Variants in C18orf63 observed in about 807,000 individuals in gnomAD.
The protein encoded by C18orf63 is uncharacterized protein C18orf63.
A neutral mutation model predicts 75.3 loss-of-function variants in C18orf63; 50 were observed. The ratio of observed to expected loss-of-function variants is 0.66; its 90% CI spans 0.53 to 0.84. C18orf63 has a LOEUF of 0.84. C18orf63 is among the 40% of genes least tolerant of loss of function. C18orf63 has a pLI of 0.00. For missense variants in C18orf63, 732 were observed against 800.2 expected, an observed-to-expected ratio of 0.91 and a Z score of 1.03; for synonymous variants, 232 against 267.6, an observed-to-expected ratio of 0.87 and a Z score of 1.30.
intron 1 of C18orf63, among the ~76,000 whole-genome samples, chr18:74,316,959 A>AT (rs1984037314): frequency 6.6e-6 from 1 of 152,202 alleles, no homozygotes; most frequent in African/African-American, 2.4e-5. Flanking sequence ...GCACCCAGGA[A>AT]TTTTTTGGTG....
At chr18:74,340,900 A>G (rs1984469797) in intron 8 of C18orf63, among the ~76,000 whole-genome samples, 1 of 152,070 alleles carries the variant, frequency 6.6e-6, no homozygotes, top group African/African-American at 2.4e-5. Flanking sequence ...AGGATACAAA[A>G]TTTCAGTTAT....
chr18:74,316,506 A>G (rs1380911353), intron 1 of C18orf63, among the ~76,000 whole-genome samples: 1 of 152,144 alleles, frequency 6.6e-6, no homozygotes, highest in East Asian at 1.9e-4. Context: ...CCCGAGGCTT[A>G]GCGCACAGCA....
intron 13 of C18orf63, among the ~76,000 whole-genome samples, chr18:74,355,823 G>A (rs996217740): frequency 3.3e-5 from 5 of 152,148 alleles, no homozygotes; most frequent in East Asian, 1.9e-4. Flanking sequence ...ACTTGAACCC[G>A]AGAAGTGGAG....
chr18:74,343,544 C>T lies in C18orf63; in HGVS notation c.820C>T (p.Gln274Ter). Residue 274 changes from glutamine (Q) to a stop codon, truncating the protein, a stop_gained, in exon 11 of 14, where the codon CAG (glutamine) becomes TAG (stop). Transcript: ENST00000579455. LOFTEE classifies it high-confidence loss of function. The stretch of plus-strand genomic sequence containing the variant: ...ATATCCTCTCAGTTGCATCAGAAGT[C>T]AGCCCATGCAGTTCTTTCCAAGGGT... Reference protein sequence around the residue: ...FTYPLSCIRSQPMQFFPRVDS... With the variant: ...FTYPLSCIRS The T allele has an allele frequency of 6.5e-7, 1 of 1,531,702 alleles. No individual in the cohort carries two copies. The allele number at this position is 1,531,702 out of a possible 1,614,324, so 94.9% of individuals were successfully genotyped here.
chr18:74,328,105 T>C, intron 5 of C18orf63, 47 bp downstream of exon 5: 1 of 1,093,110 alleles, frequency 9.1e-7, no homozygotes, highest in Non-Finnish European at 1.3e-6. Flanking sequence ...CTAGATTACG[T>C]CTGTTATGTG....
intron 8 of C18orf63, among the ~76,000 whole-genome samples, chr18:74,339,942 A>G (rs968904282): frequency 6.6e-6 from 1 of 152,186 alleles, no homozygotes; most frequent in Admixed American, 6.5e-5. Flanking sequence ...GAGGTGAAAG[A>G]CCTGTACACT....
intron 11 of C18orf63, among the ~76,000 whole-genome samples, chr18:74,347,242 A>G (rs1161701480): frequency 3.3e-5 from 5 of 152,218 alleles, no homozygotes; most frequent in African/African-American, 1.2e-4. Context: ...AGTGCACATG[A>G]TGTTTGTTAG....
chr18:74,329,140 A>G lies in C18orf63; in HGVS notation c.424+104A>G, dbSNP rs551096634. 72 of 747,908 alleles carry G rather than the reference A, an allele frequency of 9.6e-5. No individual in the cohort carries two copies. In the African/African-American group the frequency reaches 1.2e-3, roughly 12 times the overall value. 46.3% of individuals were successfully genotyped at this position (747,908 alleles called of 1,614,324 possible). A position where few individuals can be genotyped will look rare whatever the true frequency, so the allele number is the denominator to read the frequency against. On this transcript the variant is annotated intron_variant, in intron 6 of 13. Transcript: ENST00000579455. The stretch of plus-strand genomic sequence containing the variant: ...ACAGTGGCTCACGCCTGTAATCCCA[A>G]CGGTTTGGGAGGCCAAGGTAGGTAG...
At chr18:74,338,863 ATATGGTGGTTTCCCT>A (rs999518111) in intron 8 of C18orf63, 39 bp downstream of exon 8, 2 of 839,526 alleles carry the variant, frequency 2.4e-6, no homozygotes, top group African/African-American at 3.5e-5. Context: ...TGGGTTCAAA[ATATGGTGGTTTCCCT>A]TATTTTGCTT....
At chr18:74,341,453 CAGG>C (rs1346857869) in intron 8 of C18orf63, among the ~76,000 whole-genome samples, 1 of 152,068 alleles carries the variant, frequency 6.6e-6, no homozygotes, top group East Asian at 1.9e-4. Context: ...GAGGCCAAGG[CAGG>C]CAGTCACCTG....
chr18:74,317,975 G>C lies in C18orf63; in HGVS notation c.110G>C (p.Arg37Thr). 1 of 1,518,790 alleles carries C rather than the reference G, an allele frequency of 6.6e-7. No individual in the cohort carries two copies. The highest frequency in any genetic ancestry group is 8.8e-7 in the Non-Finnish European group (1 of 1,137,678). 94.1% of individuals were successfully genotyped at this position (1,518,790 alleles called of 1,614,324 possible). The stretch of plus-strand genomic sequence containing the variant: ...AATAAGGTGGCAGATACTGAGATTA[G>C]GACTATACAAATGAAGATGTGCAGG... ...LSNKVADTEI[R>T]TIQMKMCRQL... Residue 37 changes from arginine (R) to threonine (T), a missense_variant, in exon 2 of 14, where the codon AGG becomes ACG. Arg to Thr is a moderately conservative substitution (Grantham distance 71, BLOSUM62 -1). Coordinates refer to ENST00000579455, the MANE Select transcript of C18orf63 (RefSeq NM_001174123.2).
At chr18:74,336,876 C>T (rs573805449) in intron 7 of C18orf63, among the ~76,000 whole-genome samples, 1 of 152,206 alleles carries the variant, frequency 6.6e-6, no homozygotes, top group South Asian at 2.1e-4. Flanking sequence ...TTCTCACTTT[C>T]TCTTTCCAGT....
chr18:74,341,914 A>G (rs760029307), intron 8 of C18orf63, 118 bp from the exon 9 acceptor site: 3 of 596,364 alleles, frequency 5.0e-6, no homozygotes, highest in Non-Finnish European at 8.8e-6. Flanking sequence ...TTAGTTTACT[A>G]TATATAGCTA....
chr18:74,340,201 G>A (rs543923763), intron 8 of C18orf63, among the ~76,000 whole-genome samples: 3 of 152,108 alleles, frequency 2.0e-5, no homozygotes, highest in Non-Finnish European at 2.9e-5. Flanking sequence ...CAAAGCCCTC[G>A]AATAACATTT....
Position 74,354,086 on chromosome 18 carries a change from C to T in C18orf63, c.1819C>T (p.Arg607Ter), listed in dbSNP as rs571143284. ...FESDGETEDP[R>*]LLQQQSENQA... ...ATCAGATGGAGAAACCGAAGATCCA[C>T]GACTGCTACAGCAGCAATCAGAAAA... Residue 607 changes from arginine (R) to a stop codon, truncating the protein, a stop_gained, in exon 12 of 14, where the codon CGA becomes TGA. Transcript: ENST00000579455. LOFTEE classifies it high-confidence loss of function. The T allele has an allele frequency of 1.2e-5, 19 of 1,536,262 alleles. No homozygotes were observed. Among genetic ancestry groups the T allele is most frequent in the South Asian group, 7.1e-5 (6 of 84,054 alleles).
At chr18:74,316,841 A>G (rs1362973364) in intron 1 of C18orf63, among the ~76,000 whole-genome samples, 2 of 152,240 alleles carry the variant, frequency 1.3e-5, no homozygotes, top group Non-Finnish European at 2.9e-5. Flanking sequence ...AAATTAAACA[A>G]TAGTAATAAT....
At chr18:74,348,406 G>A (rs1329642471) in intron 11 of C18orf63, among the ~76,000 whole-genome samples, 1 of 152,050 alleles carries the variant, frequency 6.6e-6, no homozygotes, top group Non-Finnish European at 1.5e-5. Flanking sequence ...ATACACTGAG[G>A]TGGTGCAATG....
intron 11 of C18orf63, among the ~76,000 whole-genome samples, chr18:74,349,840 C>T (rs771592671): frequency 3.3e-5 from 5 of 152,166 alleles, no homozygotes; most frequent in African/African-American, 9.7e-5. Flanking sequence ...CATAGTTAAG[C>T]GTTTCTGCAA....
Position 74,316,371 on chromosome 18 carries a change from C to T in C18orf63, c.-33+262C>T, listed in dbSNP as rs1326268980. ...GTTTCCACTCACGTCCATTACTGTT[C>T]TCACAGAAGCCAGGCCGGAAGAGGG... On this transcript the variant is annotated intron_variant, in intron 1 of 13. Coordinates refer to ENST00000579455, the MANE Select transcript of C18orf63 (RefSeq NM_001174123.2). Among the ~76,000 whole-genome samples the T allele has an allele frequency of 2.6e-5, 4 of 152,196 alleles. No homozygotes were observed. In the East Asian group the frequency reaches 7.7e-4, roughly 29 times the overall value.
Sources: allele counts gnomAD v4.1 joint callset (sites outside exome capture counted in the v4.1 genomes callset), GRCh38; gene constraint gnomAD v4.1.1; transcripts MANE v1.5; gene names NCBI Gene and HGNC (gene_info 2026-07-23, HGNC 2026-07-21).